The following DRC8 variants were observed in gnomAD, a reference collection of about 807,000 sequenced individuals.
DRC8 encodes the protein dynein regulatory complex protein 8.
the DRC8 span, chr1:245,123,904 CAT>C: frequency 0.28 from 41,494 of 149,026 alleles, 7,166 homozygotes; most frequent in African/African-American, 0.46. This position sits in a 1 kb window ranked among gnomAD's most constrained non-coding sequence, Gnocchi z 5.0. Context: ...TTCTGTCTGT[CAT>C]ATATATATAT....
chr1:245,064,010 A>G, the DRC8 span, among the ~76,000 whole-genome samples: 4 of 152,156 alleles, frequency 2.6e-5, no homozygotes, highest in Non-Finnish European at 5.9e-5. Context: ...GGCGTGACCA[A>G]CCACGCCCGG....
the DRC8 span, among the ~76,000 whole-genome samples, chr1:244,990,997 C>G: frequency 6.6e-6 from 1 of 152,058 alleles, no homozygotes; most frequent in Non-Finnish European, 1.5e-5. Flanking sequence ...TACTACAGAT[C>G]CCACAGGTTA....
chr1:245,085,144 A>G, the DRC8 span, among the ~76,000 whole-genome samples: 1 of 152,234 alleles, frequency 6.6e-6, no homozygotes, highest in African/African-American at 2.4e-5. Context: ...TTCCTCTCTC[A>G]AGGATATTAC....
chr1:244,972,663 C>CA, the DRC8 span, among the ~76,000 whole-genome samples: 4 of 151,960 alleles, frequency 2.6e-5, no homozygotes, highest in Non-Finnish European at 5.9e-5. Flanking sequence ...ACTAAAAATA[C>CA]AAAAATTAGC....
chr1:245,121,281 G>A, the DRC8 span, among the ~76,000 whole-genome samples: 3 of 152,194 alleles, frequency 2.0e-5, no homozygotes, highest in South Asian at 6.2e-4. Flanking sequence ...GCTGTTCCAA[G>A]TAACAGAAAG....
chr1:245,082,354 T>A, the DRC8 span, among the ~76,000 whole-genome samples: 1 of 152,258 alleles, frequency 6.6e-6, no homozygotes, highest in East Asian at 1.9e-4. Context: ...ACCACACTAG[T>A]GTTATCCTAA....
the DRC8 span, among the ~76,000 whole-genome samples, chr1:244,985,018 T>C: frequency 6.6e-6 from 1 of 151,890 alleles, no homozygotes; most frequent in Admixed American, 6.6e-5. Context: ...GTCTTCCCAT[T>C]ACCCTTAGGA....
At chr1:245,079,066 G>T in the DRC8 span, among the ~76,000 whole-genome samples, 1 of 151,888 alleles carries the variant, frequency 6.6e-6, no homozygotes, top group South Asian at 2.1e-4. Flanking sequence ...AAATCCAAAG[G>T]TTATTCAAAT....
At chr1:245,078,042 G>A in the DRC8 span, among the ~76,000 whole-genome samples, 3 of 151,816 alleles carry the variant, frequency 2.0e-5, no homozygotes, top group East Asian at 1.9e-4. Flanking sequence ...TAAAAAAAAC[G>A]GAAAAAAGGA....
chr1:245,030,778 CCTCTTCCATCT>C, the DRC8 span: 1 of 152,392 alleles, frequency 6.6e-6, no homozygotes, highest in Non-Finnish European at 1.5e-5. Context: ...CTGTGCCGTT[CCTCTTCCATCT>C]CTCTTCCATC....
the DRC8 span, among the ~76,000 whole-genome samples, chr1:245,112,505 G>A: frequency 6.8e-6 from 1 of 148,006 alleles, no homozygotes; most frequent in African/African-American, 2.4e-5. Context: ...CTATATATGT[G>A]TGTTCATATG....
At chr1:245,085,659 C>G in the DRC8 span, among the ~76,000 whole-genome samples, 1 of 152,198 alleles carries the variant, frequency 6.6e-6, no homozygotes, top group Non-Finnish European at 1.5e-5. Context: ...AGAAGTATTA[C>G]AGGCTTTTGA....
the DRC8 span, among the ~76,000 whole-genome samples, chr1:245,023,980 G>C: frequency 6.6e-6 from 1 of 152,034 alleles, no homozygotes; most frequent in African/African-American, 2.4e-5. Flanking sequence ...GACCACCCTG[G>C]CCAACATGGT....
At chr1:245,060,619 T>G in the DRC8 span, among the ~76,000 whole-genome samples, 1 of 152,180 alleles carries the variant, frequency 6.6e-6, no homozygotes, top group Non-Finnish European at 1.5e-5. Context: ...TGCCTTAAAG[T>G]GTTTCTGCAC....
chr1:245,005,906 A>C, the DRC8 span, among the ~76,000 whole-genome samples: 2 of 152,188 alleles, frequency 1.3e-5, no homozygotes, highest in East Asian at 3.9e-4. Flanking sequence ...TATTCCAGGC[A>C]GGAGTGTCCG....
the DRC8 span, among the ~76,000 whole-genome samples, chr1:245,014,099 T>C: frequency 2.5e-4 from 38 of 151,704 alleles, no homozygotes; most frequent in African/African-American, 8.7e-4. Flanking sequence ...GGGTAGAATT[T>C]GAAGTGATTT....
At chr1:244,973,900 A>G in the DRC8 span, among the ~76,000 whole-genome samples, 1 of 152,178 alleles carries the variant, frequency 6.6e-6, no homozygotes, top group Admixed American at 6.6e-5. Flanking sequence ...ATTTTTTTCT[A>G]AGATTATGTA....
chr1:245,036,080 T>C, the DRC8 span, among the ~76,000 whole-genome samples: 1 of 152,118 alleles, frequency 6.6e-6, no homozygotes, highest in Non-Finnish European at 1.5e-5. Flanking sequence ...CAAAGGACAC[T>C]GTCAGGAAGA....
chr1:244,973,927 C>T, the DRC8 span, among the ~76,000 whole-genome samples: 1 of 151,996 alleles, frequency 6.6e-6, no homozygotes. Flanking sequence ...AGTTGTTATA[C>T]TTATTTGTAG....
Sources: gnomAD v4.1 joint callset for allele counts (sites outside exome capture counted in the v4.1 genomes callset) on GRCh38, gnomAD v4.1.1 for gene constraint, Gnocchi (gnomAD v3.1) non-coding constraint, MANE v1.5 for transcripts, NCBI Gene and HGNC (gene_info 2026-07-23, HGNC 2026-07-21) for gene names.